KPNA5: variants seen among roughly 807,000 people sequenced by gnomAD.
KPNA5 encodes importin subunit alpha-6.
In KPNA5, 46 loss-of-function variants were observed where a neutral mutation model predicts 71.3. The ratio of observed to expected loss-of-function variants is 0.65; its 90% CI spans 0.51 to 0.83. The LOEUF (loss-of-function observed/expected upper bound fraction) is 0.83. KPNA5 is among the 40% of genes least tolerant of loss of function. The probability of loss-of-function intolerance (pLI) is 0.00; values close to 1 mark genes in which losing one functional copy is unlikely to be tolerated. For synonymous variants in KPNA5, 207 were observed against 201.4 expected (o/e 1.03, Z -0.24); for missense variants, 547 against 628.3 (o/e 0.87, Z 1.38).
rs749985469 is a variant in KPNA5 at position 116,732,223 on chromosome 6, TAGA to T, written c.1527_1529del (p.Glu509del). On this transcript the variant is annotated inframe_deletion, in exon 14 of 14. Transcript: ENST00000368564. The stretch of plus-strand genomic sequence containing the variant: ...GATCTGATTGAACATTACTTTGGTG[TAGA>T]AGAAGATGACCCCAGCATTGTACCT... The T allele has an allele frequency of 2.6e-5, 41 of 1,593,980 alleles. No individual in the cohort carries two copies. The highest frequency in any genetic ancestry group is 1.8e-4 in the East Asian group (8 of 43,830).
At chr6:116,710,047 C>T (rs1173081969) in intron 7 of KPNA5, among the ~76,000 whole-genome samples, 1 of 152,236 alleles carries the variant, frequency 6.6e-6, no homozygotes, top group Non-Finnish European at 1.5e-5. Flanking sequence ...GCATGAGTCA[C>T]TGTGCCTGAC....
chr6:116,705,206 C>A, intron 7 of KPNA5, 46 bp downstream of exon 7: 2 of 1,328,892 alleles, frequency 1.5e-6, no homozygotes, highest in Non-Finnish European at 2.1e-6. Context: ...ACTATATACT[C>A]CATGATATTC....
chr6:116,696,784 T>C (rs1310627298), intron 4 of KPNA5, among the ~76,000 whole-genome samples: 1 of 152,160 alleles, frequency 6.6e-6, no homozygotes, highest in Non-Finnish European at 1.5e-5. Context: ...TTATGTAGAC[T>C]ATCATCCTGT....
intron 13 of KPNA5, 64 bp downstream of exon 13, chr6:116,729,805 C>T: frequency 9.6e-7 from 1 of 1,044,118 alleles, no homozygotes; most frequent in Non-Finnish European, 1.3e-6. Flanking sequence ...CTTTCCCCTT[C>T]CAGTTCCCTA....
chr6:116,699,895 C>G (rs990181944), intron 5 of KPNA5, among the ~76,000 whole-genome samples: 2 of 152,156 alleles, frequency 1.3e-5, no homozygotes, highest in African/African-American at 4.8e-5. Flanking sequence ...TTCCAAAATT[C>G]AGATGTTGTC....
Position 116,724,176 on chromosome 6 carries a change from T to C in KPNA5, c.921-121T>C, listed in dbSNP as rs578029297. On this transcript the variant is annotated intron_variant, in intron 9 of 13. Coordinates refer to ENST00000368564, the MANE Select transcript of KPNA5 (RefSeq NM_001366306.2). ...TTGTTATAAAGATTATCAGAATAAT[T>C]AGTAAAACTTCAATGGGATCTTTGG... 12 of 596,826 alleles carry C rather than the reference T, an allele frequency of 2.0e-5. No homozygotes were observed. The South Asian group carries it at 2.9e-4, about 14-fold the overall frequency. The allele number at this position is 596,826 out of a possible 1,614,324, so 37.0% of individuals were successfully genotyped here.
At chr6:116,686,052 G>A (rs924678743) in intron 1 of KPNA5, among the ~76,000 whole-genome samples, 25 of 152,022 alleles carry the variant, frequency 1.6e-4, no homozygotes, top group African/African-American at 5.1e-4. Context: ...CTATAGTCAC[G>A]TGCCACCATG....
Position 116,681,672 on chromosome 6 carries a change from C to A in KPNA5, c.4+334C>A, listed in dbSNP as rs1777362734. 3 of 419,852 alleles carry A rather than the reference C, an allele frequency of 7.1e-6. No individual in the cohort carries two copies. The South Asian group carries it at 2.2e-4, about 31-fold the overall frequency. 26.0% of individuals were successfully genotyped at this position (419,852 alleles called of 1,614,324 possible). On this transcript the variant is annotated intron_variant, in intron 1 of 13. Transcript: ENST00000368564. The stretch of plus-strand genomic sequence containing the variant: ...AGTTAATGGAATTGCCAAACGTTGC[C>A]ACTCATACCTGGTACCCATCAGCTG...
At chr6:116,689,530 A>T (rs2114367354) in intron 2 of KPNA5, 77 bp downstream of exon 2, 9 of 1,247,668 alleles carry the variant, frequency 7.2e-6, no homozygotes, top group African/African-American at 6.2e-5. Flanking sequence ...TTTAAATGGA[A>T]ATGTTTTAAG....
intron 12 of KPNA5, among the ~76,000 whole-genome samples, chr6:116,729,181 G>C (rs190042991): frequency 6.8e-6 from 1 of 146,048 alleles, no homozygotes; most frequent in Non-Finnish European, 1.5e-5. Context: ...GTGTGTGTGT[G>C]TGTGTGTGTG....
At chr6:116,712,384 C>T (rs539925446) in intron 7 of KPNA5, among the ~76,000 whole-genome samples, 9 of 152,296 alleles carry the variant, frequency 5.9e-5, no homozygotes, top group African/African-American at 1.9e-4. Context: ...CATGGAAAAT[C>T]GCTTCTCGGC....
rs774418381 is a variant in KPNA5 at position 116,732,292 on chromosome 6, A to G, written c.1589A>G (p.Gln530Arg). The G allele has an allele frequency of 5.9e-6, 9 of 1,524,328 alleles. No individual in the cohort carries two copies. In the East Asian group the frequency reaches 2.2e-4, roughly 38 times the overall value. The allele number at this position is 1,524,328 out of a possible 1,614,324, so 94.4% of individuals were successfully genotyped here. A position where few individuals can be genotyped will look rare whatever the true frequency, so the allele number is the denominator to read the frequency against. The change falls in exon 14 of 14, where the codon CAG becomes CGG. Residue 530 changes from glutamine to arginine, a missense_variant. Coordinates refer to ENST00000368564, the MANE Select transcript of KPNA5 (RefSeq NM_001366306.2). ...CAACAACAGTTTATATTTCAGCAGC[A>G]GGAAGCACCAATGGATGGATTTCAA... is the stretch of plus-strand genomic sequence containing the variant. ...ENQQQFIFQQQEAPMDGFQL is the reference protein window; with the variant it reads ...ENQQQFIFQQREAPMDGFQL
At chr6:116,708,598 CT>C in intron 7 of KPNA5, among the ~76,000 whole-genome samples, 1 of 152,094 alleles carries the variant, frequency 6.6e-6, no homozygotes, top group Non-Finnish European at 1.5e-5. Flanking sequence ...TAATTAAGGT[CT>C]TTAATTTTAA....
At chr6:116,724,223 G>A in intron 9 of KPNA5, 74 bp from the exon 10 acceptor site, 1 of 919,620 alleles carries the variant, frequency 1.1e-6, no homozygotes, top group Non-Finnish European at 1.7e-6. Flanking sequence ...GCAGGAGTTT[G>A]TAGTATTTTT....
Position 116,734,604 on chromosome 6 carries a change from GTT to G in KPNA5, c.*2283_*2284del, listed in dbSNP as rs1486311893. ...GGCTTGGCTTGGCTTATTGTTAAGAGTTTATTGGATCAAGACTAACAAATAAC... is the reference window on the plus strand; with the variant it reads ...GGCTTGGCTTGGCTTATTGTTAAGAGTATTGGATCAAGACTAACAAATAAC... On this transcript the variant is annotated 3_prime_UTR_variant, in exon 14 of 14. Coordinates refer to ENST00000368564, the MANE Select transcript of KPNA5 (RefSeq NM_001366306.2). 2.0e-5 allele frequency: 3 copies of G among 150,726 alleles called. No individual in the cohort carries two copies. Among genetic ancestry groups the G allele is most frequent in the Non-Finnish European group, 4.4e-5 (3 of 67,500 alleles). 9.3% of individuals were successfully genotyped at this position (150,726 alleles called of 1,614,324 possible).
chr6:116,704,287 C>G (rs1165915225), intron 6 of KPNA5, among the ~76,000 whole-genome samples: 1 of 152,134 alleles, frequency 6.6e-6, no homozygotes, highest in Non-Finnish European at 1.5e-5. Context: ...GATCTGCCCA[C>G]CTCACCTCCC....
At chr6:116,693,711 C>G (rs1475060132) in intron 4 of KPNA5, among the ~76,000 whole-genome samples, 1 of 152,050 alleles carries the variant, frequency 6.6e-6, no homozygotes, top group African/African-American at 2.4e-5. Flanking sequence ...ATGGTCGTTT[C>G]TTTTGCTGTG....
In KPNA5 at chr6:116,734,289, G is replaced by A. The variant is rs1176184828; in HGVS notation, c.*1966G>A. The A allele has an allele frequency of 1.3e-5, 2 of 151,518 alleles. No homozygotes were observed. Among genetic ancestry groups the A allele is most frequent in the African/African-American group, 4.8e-5 (2 of 41,358 alleles). 9.4% of individuals were successfully genotyped at this position (151,518 alleles called of 1,614,324 possible). A position where few individuals can be genotyped will look rare whatever the true frequency, so the allele number is the denominator to read the frequency against. Reference sequence around the variant, plus strand: ...CCAGCTGTGCCTCCTTTTATTTTGAGGACCCTGTAGTCACTATAATAAATT... The same window carrying A: ...CCAGCTGTGCCTCCTTTTATTTTGAAGACCCTGTAGTCACTATAATAAATT... On this transcript the variant is annotated 3_prime_UTR_variant, in exon 14 of 14. Coordinates refer to ENST00000368564, the MANE Select transcript of KPNA5 (RefSeq NM_001366306.2).
intron 10 of KPNA5, among the ~76,000 whole-genome samples, chr6:116,724,735 A>C (rs929073293): frequency 6.6e-6 from 1 of 151,904 alleles, no homozygotes; most frequent in Non-Finnish European, 1.5e-5. Context: ...CAGCCTTCCA[A>C]GTAGTTGGGA....
Sources: gnomAD v4.1 joint callset for allele counts (sites outside exome capture counted in the v4.1 genomes callset) on GRCh38, gnomAD v4.1.1 for gene constraint, MANE v1.5 for transcripts, NCBI Gene and HGNC (gene_info 2026-07-23, HGNC 2026-07-21) for gene names.